WWOX: variants seen among roughly 807,000 people sequenced by gnomAD.
WWOX encodes the protein WW domain-containing oxidoreductase.
In WWOX, 69 loss-of-function variants were observed where a neutral mutation model predicts 46.2. The observed-to-expected ratio is 1.49, with a 90% CI of 1.23 to 1.82. The LOEUF is 1.82. WWOX is among the 40% of genes most tolerant of loss of function. WWOX has a pLI of 0.00. For synonymous variants in WWOX, 359 were observed against 202.6 expected, an observed-to-expected ratio of 1.77 and a Z score of -6.56; for missense variants, 919 against 542.6, an observed-to-expected ratio of 1.69 and a Z score of -6.89.
intron 5 of WWOX, among the ~76,000 whole-genome samples, chr16:78,371,420 G>A (rs147659055): frequency 2.6e-3 from 394 of 152,226 alleles, no homozygotes; most frequent in African/African-American, 9.0e-3. Flanking sequence ...CTTCAATAAC[G>A]TATGAAAAGA....
At chr16:79,075,788 A>G (rs75009965) in intron 8 of WWOX, among the ~76,000 whole-genome samples, 1 of 152,092 alleles carries the variant, frequency 6.6e-6, no homozygotes, top group Non-Finnish European at 1.5e-5. Context: ...GAAGCAAGAG[A>G]GGTTTACATA....
intron 8 of WWOX, among the ~76,000 whole-genome samples, chr16:78,918,834 C>A (rs1455836892): frequency 6.6e-6 from 1 of 152,092 alleles, no homozygotes; most frequent in African/African-American, 2.4e-5. Context: ...CTTTCCTTTG[C>A]GGGGTCTCAC....
At chr16:78,345,458 C>CACAAA (rs1475313034) in intron 5 of WWOX, among the ~76,000 whole-genome samples, 6 of 26,780 alleles carry the variant, frequency 2.2e-4, no homozygotes, top group African/African-American at 5.1e-4. Context: ...CCATCGCTAC[C>CACAAA]AAAAAAAAAA....
At chr16:78,735,394 A>ACACACAC (rs2049064573) in intron 8 of WWOX, among the ~76,000 whole-genome samples, 2 of 121,276 alleles carry the variant, frequency 1.6e-5, no homozygotes, top group African/African-American at 6.2e-5. Flanking sequence ...ACCACACACA[A>ACACACAC]ACACACACAC....
chr16:78,509,452 T>G (rs565683383), intron 8 of WWOX, among the ~76,000 whole-genome samples: 3 of 143,736 alleles, frequency 2.1e-5, no homozygotes, highest in African/African-American at 7.7e-5. Context: ...AAAAAAAAAA[T>G]AATATAATAA....
At chr16:79,193,120 G>C (rs975395011) in intron 8 of WWOX, among the ~76,000 whole-genome samples, 1 of 152,194 alleles carries the variant, frequency 6.6e-6, no homozygotes, top group African/African-American at 2.4e-5. Context: ...CATTCCATTA[G>C]ACTTCATTCT....
Position 78,420,767 on chromosome 16 carries a change from G to C in WWOX, c.606-4103G>C, listed in dbSNP as rs560683547. On this transcript the variant is annotated intron_variant, in intron 6 of 8. Coordinates refer to ENST00000566780, the MANE Select transcript of WWOX (RefSeq NM_016373.4). The stretch of plus-strand genomic sequence containing the variant: ...ACAGTATACATAGGTAGATTTTATG[G>C]TATGTGCATTATATTTCAGTAAAGT... Among the ~76,000 whole-genome samples the C allele has an allele frequency of 2.0e-5, 3 of 151,834 alleles. No homozygotes were observed. The South Asian group carries it at 6.3e-4, about 32-fold the overall frequency.
chr16:78,291,777 C>G (rs1002333133), intron 5 of WWOX, among the ~76,000 whole-genome samples: 5 of 152,028 alleles, frequency 3.3e-5, no homozygotes, highest in African/African-American at 4.8e-5. Context: ...CCAAGGCCAC[C>G]AGGGAGCAGG....
chr16:79,015,674 A>C (rs2047399088), intron 8 of WWOX, among the ~76,000 whole-genome samples: 1 of 151,854 alleles, frequency 6.6e-6, no homozygotes, highest in Non-Finnish European at 1.5e-5. Flanking sequence ...GTCTCCGTAT[A>C]TTTTCTCCTT....
At chr16:79,084,235 G>C (rs1043076497) in intron 8 of WWOX, among the ~76,000 whole-genome samples, 7 of 152,156 alleles carry the variant, frequency 4.6e-5, no homozygotes, top group Non-Finnish European at 7.3e-5. Flanking sequence ...CTTGTTCCTA[G>C]TGAAGAGGTG....
intron 8 of WWOX, among the ~76,000 whole-genome samples, chr16:78,832,652 C>T (rs979999888): frequency 6.6e-6 from 1 of 152,106 alleles, no homozygotes; most frequent in Admixed American, 6.5e-5. Flanking sequence ...AGTCATCATC[C>T]TGCTAGTGTG....
intron 5 of WWOX, among the ~76,000 whole-genome samples, chr16:78,321,294 ATATATATACG>A: frequency 7.1e-6 from 1 of 140,058 alleles, no homozygotes; most frequent in South Asian, 2.2e-4. Flanking sequence ...ATATATACGT[ATATATATACG>A]TATATATATG....
chr16:78,535,017 C>T (rs962966141), intron 8 of WWOX: 1 of 152,168 alleles, frequency 6.6e-6, no homozygotes. Context: ...CAGCGTATTG[C>T]TTTATATTTT....
At chr16:78,723,598 T>TTTTCC (rs2048749041) in intron 8 of WWOX, among the ~76,000 whole-genome samples, 1 of 77,418 alleles carries the variant, frequency 1.3e-5, no homozygotes, top group Non-Finnish European at 2.9e-5. Context: ...TTTTCTTTTC[T>TTTTCC]TTTCTTTTCT....
intron 8 of WWOX, among the ~76,000 whole-genome samples, chr16:78,640,238 T>G (rs1220593757): frequency 2.8e-5 from 4 of 143,874 alleles, no homozygotes; most frequent in South Asian, 2.3e-4. Flanking sequence ...TTTTTTTTTT[T>G]TTTTTTTTTT....
At chr16:78,402,432 T>C (rs1025671534) in intron 6 of WWOX, among the ~76,000 whole-genome samples, 1 of 152,226 alleles carries the variant, frequency 6.6e-6, no homozygotes, top group Non-Finnish European at 1.5e-5. Flanking sequence ...GATGCTGCTA[T>C]GAACATTATT....
intron 8 of WWOX, among the ~76,000 whole-genome samples, chr16:78,576,226 C>T (rs916677425): frequency 1.3e-5 from 2 of 152,108 alleles, no homozygotes; most frequent in Admixed American, 6.5e-5. Context: ...TTTAAATAGG[C>T]TTCCTTCCAG....
chr16:78,863,590 T>G (rs961683385), intron 8 of WWOX, among the ~76,000 whole-genome samples: 53 of 152,028 alleles, frequency 3.5e-4, no homozygotes, highest in African/African-American at 1.3e-3. Flanking sequence ...GGCCTAAGAG[T>G]GAATCTCCCA....
rs1210796226 is a variant in WWOX at position 78,468,283 on chromosome 16, A to T, written c.1056+35531A>T. Among the ~76,000 whole-genome samples the T allele has an allele frequency of 2.5e-4, 32 of 126,894 alleles. 1 individual carries two copies. Among genetic ancestry groups the T allele is most frequent in the Admixed American group, 1.8e-3 (24 of 13,210 alleles). The allele number at this position is 126,894 out of a possible 152,430, so 83.2% of individuals were successfully genotyped here. ...GCCTTTCTTTTTTTTTTTTTTTTTT[A>T]AACTTCATGGTGAGCAGAACACTGT... On this transcript the variant is annotated intron_variant, in intron 8 of 8. Transcript: ENST00000566780.
Sources: gnomAD v4.1 joint callset for allele counts (sites outside exome capture counted in the v4.1 genomes callset) on GRCh38, gnomAD v4.1.1 for gene constraint, MANE v1.5 for transcripts, NCBI Gene and HGNC (gene_info 2026-07-23, HGNC 2026-07-21) for gene names.